Variants in COL6A1 observed in about 807,000 individuals in gnomAD.
The protein encoded by COL6A1 is collagen type VI alpha 1 chain, also known as collagen alpha-1(VI) chain.
COL6A1 carries 80 observed loss-of-function variants against 145.6 expected under a neutral mutation model. That is an observed-to-expected ratio of 0.55 (90% CI 0.46 to 0.66). COL6A1 has a LOEUF of 0.66. Among genes scored for constraint, COL6A1 ranks in the 30% least tolerant of loss-of-function variants. The pLI is 0.00. For missense variants in COL6A1, 1,364 were observed against 1,473.8 expected, an observed-to-expected ratio of 0.93 and a Z score of 1.22; for synonymous variants, 638 against 622.8, an observed-to-expected ratio of 1.02 and a Z score of -0.36.
At chr21:45,985,563 A>T (rs1479601300) in intron 3 of COL6A1, among the ~76,000 whole-genome samples, 2 of 152,178 alleles carry the variant, frequency 1.3e-5, no homozygotes, top group African/African-American at 2.4e-5. Flanking sequence ...TTCTGGACTG[A>T]GGGGTTTCCT....
intron 33 of COL6A1, 84 bp downstream of exon 33, chr21:46,002,794 CA>C: frequency 7.0e-7 from 1 of 1,419,528 alleles, no homozygotes; most frequent in Non-Finnish European, 9.6e-7. Context: ...TGCGTAGGTG[CA>C]CGCGGGGCCG....
chr21:45,997,500 ACCC>A lies in COL6A1; in HGVS notation c.1461+18_1461+20del. 1 of 1,553,460 alleles carries A rather than the reference ACCC, an allele frequency of 6.4e-7. No homozygotes were observed. Among genetic ancestry groups the A allele is most frequent in the Non-Finnish European group, 8.7e-7 (1 of 1,154,014 alleles). ...GGGTCCGAGGTGAGTCCCACTCCCC[ACCC>A]ACACCCGCCCACCCAGGGGGGCCTG... On this transcript the variant is annotated intron_variant, in intron 21 of 34. Coordinates refer to ENST00000361866, the MANE Select transcript of COL6A1 (RefSeq NM_001848.3).
chr21:46,002,752 T>G (rs753236514), intron 33 of COL6A1, 42 bp downstream of exon 33: 14 of 1,555,420 alleles, frequency 9.0e-6, no homozygotes, highest in Middle Eastern at 1.8e-4. Flanking sequence ...TCTGCGTAGG[T>G]GCGCGCGGGG....
rs7276374 is a variant in COL6A1, at chr21:46,000,952, C to T, written c.1822+185C>T. The T allele has an allele frequency of 0.86, 680,276 of 794,106 alleles. 292,112 individuals carry two copies. Among genetic ancestry groups the T allele is most frequent in the Admixed American group, 0.92 (44,740 of 48,880 alleles). 49.2% of individuals were successfully genotyped at this position (794,106 alleles called of 1,614,324 possible). A position where few individuals can be genotyped will look rare whatever the true frequency, so the allele number is the denominator to read the frequency against. On this transcript the variant is annotated intron_variant, in intron 29 of 34. Transcript: ENST00000361866. ...GGTTCCCGGGTGTTGGGCTGGGCCC[C>T]GCCCTCTTTCACCCATAACTGAAAT...
rs370422200 is a variant in COL6A1 at position 46,000,311 on chromosome 21, C to T, written c.1777-20C>T. 7 of 1,613,744 alleles carry T rather than the reference C, an allele frequency of 4.3e-6. No individual in the cohort carries two copies. The highest frequency in any genetic ancestry group is 5.1e-6 in the Non-Finnish European group (6 of 1,179,864). ...GAGGGGCTGTCTATGGCCCCAGTAC[C>T]CTCGTCTCTCCCTCCCCAGGAATGC... On this transcript the variant is annotated intron_variant, in intron 27 of 34. Transcript: ENST00000361866.
At chr21:45,996,583 C>T (rs915902721) in intron 20 of COL6A1, among the ~76,000 whole-genome samples, 5 of 151,924 alleles carry the variant, frequency 3.3e-5, no homozygotes, top group African/African-American at 1.2e-4. Context: ...GGCGTCTGAG[C>T]AGGCACAGGC....
At chr21:45,987,296 C>T in intron 6 of COL6A1, 121 bp downstream of exon 6, 1 of 1,526,646 alleles carries the variant, frequency 6.6e-7, no homozygotes, top group Non-Finnish European at 8.9e-7. Flanking sequence ...ACACATGTCC[C>T]CTGCGTGTCT....
chr21:45,997,831 C>T, intron 22 of COL6A1, 69 bp downstream of exon 22: 1 of 1,503,418 alleles, frequency 6.7e-7, no homozygotes, highest in Non-Finnish European at 9.0e-7. Context: ...AGCCCCAGCC[C>T]CGCACTGTGG....
In COL6A1 at chr21:46,004,050, A is replaced by C. The variant is rs1556433252; in HGVS notation, c.*37A>C. ...CGCCGGCACCAAACCCTGTCCTCCC[A>C]CCCCTCCCCACTCATCACTAAACAG... On this transcript the variant is annotated 3_prime_UTR_variant, in exon 35 of 35. Transcript: ENST00000361866. 2 of 1,606,536 alleles carry C rather than the reference A, an allele frequency of 1.2e-6. No homozygotes were observed. Among genetic ancestry groups the C allele is most frequent in the East Asian group, 2.2e-5 (1 of 44,772 alleles).
At position 45,999,683 on chromosome 21, in the gene COL6A1, TG is replaced by T. The variant is rs1385126307; in HGVS notation, c.1770del (p.Pro591ArgfsTer11). 3.7e-6 allele frequency: 6 copies of T among 1,612,670 alleles called. No individual in the cohort carries two copies. The highest frequency in any genetic ancestry group is 5.1e-6 in the Non-Finnish European group (6 of 1,179,664). On this transcript the variant is annotated frameshift_variant, in exon 27 of 35. Transcript: ENST00000361866. LOFTEE classifies it high-confidence loss of function. The part of the protein sequence containing the change: ...QGPPGHQGPP[G>X]PDECEILDII... ...GACCCCCAGGACACCAAGGACCGCC[TG>T]GGCCGGACGTAAGTGGGGCTCTGTG...
chr21:45,998,455 T>G, intron 24 of COL6A1, 22 bp downstream of exon 24: 1 of 1,613,148 alleles, frequency 6.2e-7, no homozygotes, highest in East Asian at 2.2e-5. Context: ...CCCTCCTCCA[T>G]CTGGCTGTGG....
chr21:46,002,964 C>T (rs1297810734), intron 33 of COL6A1, among the ~76,000 whole-genome samples, 156 bp from the exon 34 acceptor site: 3 of 152,182 alleles, frequency 2.0e-5, no homozygotes, highest in Non-Finnish European at 4.4e-5. Flanking sequence ...CGCACGGGGC[C>T]GCCTGGGGCT....
In COL6A1 at chr21:45,999,699, G is replaced by A. The variant is rs757304317; in HGVS notation, c.1776+7G>A. The A allele has an allele frequency of 2.5e-6, 4 of 1,612,958 alleles. No individual in the cohort carries two copies. Among genetic ancestry groups the A allele is most frequent in the Non-Finnish European group, 3.4e-6 (4 of 1,179,816 alleles). ...AGGACCGCCTGGGCCGGACGTAAGT[G>A]GGGCTCTGTGAACATTGCTGGGGGC... On this transcript the variant is annotated splice_region_variant and intron_variant, in intron 27 of 34. Transcript: ENST00000361866.
chr21:45,998,905 G>A lies in COL6A1; in HGVS notation c.1620G>A (p.Lys540=). 6.4e-7 allele frequency: 1 copy of A among 1,555,306 alleles called. No homozygotes were observed. The highest frequency in any genetic ancestry group is 8.7e-7 in the Non-Finnish European group (1 of 1,148,880). The change falls in exon 25 of 35, where the codon AAG becomes AAA. Residue 540 remains lysine, a synonymous_variant. Transcript: ENST00000361866. ...NRGAPGINGT[K]GYPGLKGDEG... is the part of the protein sequence containing the mutation. Reference sequence around the variant, plus strand: ...CTCTCCCGTCACTGCAGGGCACGAAGGGCTACCCCGGCCTCAAGGGGGACG... The same window carrying A: ...CTCTCCCGTCACTGCAGGGCACGAAAGGCTACCCCGGCCTCAAGGGGGACG...
At chr21:45,999,987 ATGTGAGGATCATGGGG>A (rs2077832740) in intron 27 of COL6A1, among the ~76,000 whole-genome samples, 4 of 4,372 alleles carry the variant, frequency 9.1e-4, no homozygotes, top group South Asian at 5.3e-3. Flanking sequence ...GGAGGGGGAC[ATGTGAGGATCATGGGG>A]GACCCGTGAG....
At position 46,001,245 on chromosome 21, in the gene COL6A1, G is replaced by C. The variant is rs184666690; in HGVS notation, c.1823-8G>C. ...GGCGTGCTCTGCTGACACCGCCCCC[G>C]CCTGCAGAATGCAAGTGCGGCCCCA... On this transcript the variant is annotated splice_region_variant and splice_polypyrimidine_tract_variant and intron_variant, in intron 29 of 34. Coordinates refer to ENST00000361866, the MANE Select transcript of COL6A1 (RefSeq NM_001848.3). The C allele has an allele frequency of 6.2e-7, 1 of 1,603,844 alleles. No homozygotes were observed. Among genetic ancestry groups the C allele is most frequent in the Non-Finnish European group, 8.5e-7 (1 of 1,178,684 alleles).
chr21:45,992,558 G>A (rs1279583435), intron 18 of COL6A1, among the ~76,000 whole-genome samples, 160 bp downstream of exon 18: 3 of 152,244 alleles, frequency 2.0e-5, no homozygotes, highest in Non-Finnish European at 4.4e-5. Context: ...TCTTCCCACA[G>A]TCTCAGAGCG....
rs953326229 is a variant in COL6A1 at position 46,003,986 on chromosome 21, A to G, written c.3060A>G (p.Thr1020=). 2.5e-6 allele frequency: 4 copies of G among 1,613,132 alleles called. No homozygotes were observed. Among genetic ancestry groups the G allele is most frequent in the Non-Finnish European group, 3.4e-6 (4 of 1,180,012 alleles). The part of the protein sequence containing the change: ...QALLRGVFHQ[T]VSRKVALG ...TGCTCCGCGGTGTCTTCCACCAGAC[A>G]GTCTCCAGGAAGGTGGCGCTGGGCT... The change falls in exon 35 of 35, where the codon ACA becomes ACG. Residue 1020 remains threonine (T), a synonymous_variant. Transcript: ENST00000361866.
At chr21:45,984,610 T>G (rs933209992) in intron 3 of COL6A1, 141 bp downstream of exon 3, 2 of 747,502 alleles carry the variant, frequency 2.7e-6, no homozygotes, top group African/African-American at 3.5e-5. Flanking sequence ...CCTGACCCAC[T>G]TTGTGGGCAG....
Sources: allele counts gnomAD v4.1 joint callset (sites outside exome capture counted in the v4.1 genomes callset), GRCh38; gene constraint gnomAD v4.1.1; transcripts MANE v1.5; gene names NCBI Gene and HGNC (gene_info 2026-07-23, HGNC 2026-07-21).